DIAPH3: variants seen among roughly 807,000 people sequenced by gnomAD.
DIAPH3 encodes diaphanous related formin 3.
A neutral mutation model predicts 144.3 loss-of-function variants in DIAPH3; 117 were observed. That is an observed-to-expected ratio of 0.81 (90% CI 0.70 to 0.95). The LOEUF is 0.95. DIAPH3 is among the 40% of genes least tolerant of loss of function. The pLI is 0.00. For synonymous variants in DIAPH3, 519 were observed against 488.9 expected, an observed-to-expected ratio of 1.06 and a Z score of -0.81; for missense variants, 1,421 against 1,412.7, an observed-to-expected ratio of 1.01 and a Z score of -0.09.
intron 3 of DIAPH3, among the ~76,000 whole-genome samples, chr13:60,110,199 C>G (rs930630820): frequency 2.0e-5 from 3 of 152,100 alleles, no homozygotes; most frequent in Non-Finnish European, 2.9e-5. Flanking sequence ...TACTAAATAC[C>G]TTTGATAATG....
intron 27 of DIAPH3, among the ~76,000 whole-genome samples, chr13:59,722,979 A>C (rs1156337479): frequency 6.6e-6 from 1 of 152,182 alleles, no homozygotes; most frequent in Non-Finnish European, 1.5e-5. Context: ...TGACCTATAC[A>C]GCATGCCAGC....
chr13:60,033,538 G>A (rs997010429), intron 5 of DIAPH3, among the ~76,000 whole-genome samples: 6 of 152,152 alleles, frequency 3.9e-5, no homozygotes, highest in African/African-American at 1.4e-4. Context: ...ACATCACATG[G>A]TGAGACCAGG....
chr13:59,844,503 C>CCA (rs1555313694), intron 22 of DIAPH3, among the ~76,000 whole-genome samples: 7 of 127,694 alleles, frequency 5.5e-5, no homozygotes, highest in Non-Finnish European at 9.7e-5. Context: ...GACTCCATCC[C>CCA]AAAAAAAAAA....
At chr13:60,010,715 GA>G in intron 7 of DIAPH3, 46 bp from the exon 8 acceptor site, 2 of 1,569,816 alleles carry the variant, frequency 1.3e-6, no homozygotes, top group Non-Finnish European at 1.7e-6. Flanking sequence ...AAATTAGTTA[GA>G]AAAATAATAC....
At chr13:60,043,528 A>G (rs1160420456) in intron 4 of DIAPH3, among the ~76,000 whole-genome samples, 1 of 152,218 alleles carries the variant, frequency 6.6e-6, no homozygotes, top group African/African-American at 2.4e-5. Flanking sequence ...AGAGAAAAAC[A>G]AAAACATATG....
chr13:59,938,260 G>A (rs2048354976), intron 17 of DIAPH3, among the ~76,000 whole-genome samples: 1 of 152,112 alleles, frequency 6.6e-6, no homozygotes, highest in Admixed American at 6.5e-5. Flanking sequence ...AAAATTTGTA[G>A]TTCTATGTTA....
intron 15 of DIAPH3, among the ~76,000 whole-genome samples, chr13:59,972,824 T>C (rs1428816741): frequency 6.6e-6 from 1 of 152,162 alleles, no homozygotes; most frequent in Non-Finnish European, 1.5e-5. Context: ...TCACTATGTC[T>C]CTCCAGCACC....
intron 4 of DIAPH3, among the ~76,000 whole-genome samples, chr13:60,065,433 A>C (rs2056921702): frequency 6.6e-6 from 1 of 152,142 alleles, no homozygotes; most frequent in Admixed American, 6.5e-5. Context: ...GACTCCCCTA[A>C]TAAAATGTAA....
At chr13:60,160,066 T>C (rs946343864) in intron 1 of DIAPH3, among the ~76,000 whole-genome samples, 3 of 151,740 alleles carry the variant, frequency 2.0e-5, no homozygotes, top group African/African-American at 4.8e-5. Flanking sequence ...CCACTAAAAA[T>C]ACAAAAAATT....
intron 17 of DIAPH3, among the ~76,000 whole-genome samples, chr13:59,939,061 T>A (rs979701028): frequency 6.6e-6 from 1 of 152,172 alleles, no homozygotes; most frequent in African/African-American, 2.4e-5. Context: ...AAAATTTATG[T>A]AGGAATCATG....
intron 18 of DIAPH3, among the ~76,000 whole-genome samples, chr13:59,924,081 C>T (rs1035628814): frequency 6.6e-6 from 1 of 152,172 alleles, no homozygotes; most frequent in African/African-American, 2.4e-5. Context: ...ATCCCTCTTG[C>T]ACCATCAGAA....
chr13:59,722,522 G>A (rs975129495), intron 27 of DIAPH3, among the ~76,000 whole-genome samples: 2 of 152,294 alleles, frequency 1.3e-5, no homozygotes, highest in African/African-American at 4.8e-5. Flanking sequence ...TGGAGGCCAC[G>A]TTTTTGTGGG....
chr13:60,017,471 A>G (rs755945580), intron 5 of DIAPH3, among the ~76,000 whole-genome samples: 4 of 152,100 alleles, frequency 2.6e-5, no homozygotes. Context: ...AGCTTAAGTC[A>G]TATATCAGAA....
rs1043399355 is a variant in DIAPH3 at position 59,760,071 on chromosome 13, C to G, written c.3319+14118G>C. On this transcript the variant is annotated intron_variant, in intron 27 of 27. Transcript: ENST00000400324. ...AACAGGTCCTAGGCGCTGTCTCAGGCAGGACTTTTCTCTGCCCTAATAAGA... is the reference window on the plus strand; with the variant it reads ...AACAGGTCCTAGGCGCTGTCTCAGGGAGGACTTTTCTCTGCCCTAATAAGA... 4.6e-5 allele frequency among the ~76,000 whole-genome samples: 7 copies of G among 152,246 alleles called. No homozygotes were observed. In the South Asian group the frequency reaches 6.2e-4, roughly 14 times the overall value.
chr13:59,829,793 AGGAAACAGTAAGTACAGTGGTC>A (rs1158198147), intron 24 of DIAPH3, among the ~76,000 whole-genome samples: 1 of 151,916 alleles, frequency 6.6e-6, no homozygotes, highest in Non-Finnish European at 1.5e-5. Context: ...CTCCAAACAT[AGGAAACAGTAAGTACAGTGGTC>A]TGAACTTGAG....
intron 5 of DIAPH3, among the ~76,000 whole-genome samples, chr13:60,027,710 T>C (rs2054477643): frequency 6.6e-6 from 1 of 152,064 alleles, no homozygotes; most frequent in South Asian, 2.1e-4. Context: ...AAAGGAAATA[T>C]CTTATTTGGA....
At chr13:59,974,589 T>C (rs1367158642) in intron 14 of DIAPH3, 133 bp from the exon 15 acceptor site, 3 of 837,024 alleles carry the variant, frequency 3.6e-6, no homozygotes, top group South Asian at 3.1e-5. Flanking sequence ...AAAGGAGTGA[T>C]AGAGTTTTGA....
chr13:60,020,700 G>A (rs1779734196), intron 5 of DIAPH3, among the ~76,000 whole-genome samples: 1 of 152,182 alleles, frequency 6.6e-6, no homozygotes, highest in Admixed American at 6.5e-5. Context: ...CTGTATTCTT[G>A]ATACTGCACT....
At chr13:59,841,533 A>G (rs758303802) in intron 22 of DIAPH3, among the ~76,000 whole-genome samples, 1 of 152,130 alleles carries the variant, frequency 6.6e-6, no homozygotes, top group Non-Finnish European at 1.5e-5. Flanking sequence ...GTTTGAAGCT[A>G]CAGTGACCAG....
Sources: gnomAD v4.1 joint callset for allele counts (sites outside exome capture counted in the v4.1 genomes callset) on GRCh38, gnomAD v4.1.1 for gene constraint, MANE v1.5 for transcripts, NCBI Gene and HGNC (gene_info 2026-07-23, HGNC 2026-07-21) for gene names.